PTGER3: variants seen among roughly 807,000 people sequenced by gnomAD.
The protein encoded by PTGER3 is prostaglandin E2 receptor EP3 subtype.
Under a neutral mutation model 34.7 loss-of-function variants are expected in PTGER3, and 22 were observed. The observed-to-expected ratio is 0.63, with a 90% CI of 0.45 to 0.91. PTGER3 has a LOEUF of 0.91. Among genes scored for constraint, PTGER3 ranks in the 40% least tolerant of loss-of-function variants. The pLI is 0.00. For synonymous variants in PTGER3, 241 were observed against 230.1 expected, an observed-to-expected ratio of 1.05 and a Z score of -0.43; for missense variants, 468 against 519.4, an observed-to-expected ratio of 0.90 and a Z score of 0.96.
At chr1:70,966,186 T>C (rs985293073), downstream of PTGER3, among the ~76,000 whole-genome samples, 1 of 152,216 alleles carries the variant, frequency 6.6e-6, no homozygotes, top group Non-Finnish European at 1.5e-5. Context: ...TTGTACAGGC[T>C]ATATATCTTC....
At position 70,994,218 on chromosome 1, in the gene PTGER3, TTAATA is replaced by T. The variant is rs138087871; in HGVS notation, c.1077+18082_1077+18086del. Among the ~76,000 whole-genome samples, 131 of 152,244 alleles carry T rather than the reference TTAATA, an allele frequency of 8.6e-4. 2 individuals are homozygous for T. The highest frequency in any genetic ancestry group is 3.4e-3 in the Middle Eastern group (1 of 294). On this transcript the variant is annotated intron_variant, in intron 2 of 3. Coordinates refer to ENST00000306666, the MANE Select transcript of PTGER3 (RefSeq NM_198719.2). ...CTTCCCTTCATATCACCTCAGAAACTTAATATAAGAACGTAAGAAGTGTTGCACCC... is the reference window on the plus strand; with the variant it reads ...CTTCCCTTCATATCACCTCAGAAACTTAAGAACGTAAGAAGTGTTGCACCC...
intron 4 of PTGER3, among the ~76,000 whole-genome samples, chr1:70,940,445 A>G (rs1350418192): frequency 6.6e-6 from 1 of 152,156 alleles, no homozygotes; most frequent in African/African-American, 2.4e-5. Flanking sequence ...CTCTACTGGT[A>G]CCACTTTACT....
chr1:70,920,957 C>G (rs1346045839), intron 4 of PTGER3, among the ~76,000 whole-genome samples: 3 of 152,196 alleles, frequency 2.0e-5, no homozygotes, highest in South Asian at 2.1e-4. Flanking sequence ...TAATTACAGA[C>G]AAGACTGCTC....
At chr1:70,960,458 G>T (rs999284291) in intron 2 of PTGER3, among the ~76,000 whole-genome samples, 2 of 151,732 alleles carry the variant, frequency 1.3e-5, no homozygotes, top group Non-Finnish European at 2.9e-5. Context: ...CCTTCCAAAA[G>T]GTGAAAAAAA....
rs57877321 is a variant in PTGER3 at position 71,009,541 on chromosome 1, CAT to C, written c.1077+2762_1077+2763del. On this transcript the variant is annotated intron_variant, in intron 2 of 3. Transcript: ENST00000306666. ...AAAGTAAACTGCTCTCATTAAGTAA[CAT>C]GTGATCATTCTTCTCTGTGACTCAG... The C allele has an allele frequency of 9.8e-4, 962 of 984,846 alleles. 6 individuals carry two copies. In the African/African-American group the frequency reaches 0.015, roughly 16 times the overall value. The allele number at this position is 984,846 out of a possible 1,614,324, so 61.0% of individuals were successfully genotyped here. A position where few individuals can be genotyped will look rare whatever the true frequency, so the allele number is the denominator to read the frequency against.
At chr1:70,877,653 A>C (rs1162407787) in intron 4 of PTGER3, among the ~76,000 whole-genome samples, 2 of 152,158 alleles carry the variant, frequency 1.3e-5, no homozygotes, top group African/African-American at 4.8e-5. Flanking sequence ...GAGGGTTTTT[A>C]GCATGAAGGG....
At chr1:71,017,653 T>C (rs970714796) in intron 1 of PTGER3, among the ~76,000 whole-genome samples, 1 of 152,104 alleles carries the variant, frequency 6.6e-6, no homozygotes, top group African/African-American at 2.4e-5. Flanking sequence ...TGTAACACTT[T>C]CCTCTCTGCT....
At chr1:70,910,834 G>C (rs948878566) in intron 4 of PTGER3, among the ~76,000 whole-genome samples, 1 of 152,158 alleles carries the variant, frequency 6.6e-6, no homozygotes, top group Non-Finnish European at 1.5e-5. Context: ...TGTAATCCCA[G>C]CACTTTGGGA....
chr1:71,030,202 G>A lies in PTGER3; in HGVS notation c.897+16479C>T, dbSNP rs540456199. On this transcript the variant is annotated intron_variant, in intron 1 of 3. Coordinates refer to ENST00000306666, the MANE Select transcript of PTGER3 (RefSeq NM_198719.2). Reference sequence around the variant, plus strand: ...TCCAAGATCTTGAGGATTAAACTAAGGAATCTGAAGCCTTTTAATCTGGGT... The same window carrying A: ...TCCAAGATCTTGAGGATTAAACTAAAGAATCTGAAGCCTTTTAATCTGGGT... Among the ~76,000 whole-genome samples the A allele has an allele frequency of 5.9e-5, 9 of 152,198 alleles. No homozygotes were observed. In the South Asian group the frequency reaches 1.9e-3, roughly 32 times the overall value.
intron 2 of PTGER3, among the ~76,000 whole-genome samples, chr1:70,979,419 T>TA (rs933583791): frequency 2.0e-4 from 30 of 151,972 alleles, no homozygotes; most frequent in Admixed American, 1.5e-3. Flanking sequence ...ATTGCTTTCA[T>TA]AAAAAAATTA....
At chr1:70,907,515 C>T (rs150031569) in intron 4 of PTGER3, among the ~76,000 whole-genome samples, 65 of 152,308 alleles carry the variant, frequency 4.3e-4, no homozygotes, top group African/African-American at 1.5e-3. Flanking sequence ...GGAAATTGAG[C>T]CTGCTCATGG....
chr1:70,925,946 A>G (rs1648037297), intron 4 of PTGER3, among the ~76,000 whole-genome samples: 1 of 152,192 alleles, frequency 6.6e-6, no homozygotes, highest in African/African-American at 2.4e-5. Context: ...AGAAATCTCA[A>G]TATTGCATTT....
At chr1:70,995,716 A>C (rs1421879641) in intron 2 of PTGER3, among the ~76,000 whole-genome samples, 1 of 152,178 alleles carries the variant, frequency 6.6e-6, no homozygotes, top group African/African-American at 2.4e-5. Context: ...AATTTGATCA[A>C]ATAAAACTAC....
intron 2 of PTGER3, among the ~76,000 whole-genome samples, chr1:70,995,499 A>T (rs1167540797): frequency 6.6e-6 from 1 of 152,188 alleles, no homozygotes; most frequent in African/African-American, 2.4e-5. Flanking sequence ...CACTCTAAAG[A>T]AAGTATGAAA....
chr1:70,913,235 A>T (rs968142108), intron 4 of PTGER3, among the ~76,000 whole-genome samples: 5 of 151,808 alleles, frequency 3.3e-5, no homozygotes, highest in African/African-American at 1.2e-4. Context: ...ATTCCTATTA[A>T]TATTTCATAT....
At chr1:70,915,272 G>C (rs1195643211) in intron 4 of PTGER3, among the ~76,000 whole-genome samples, 5 of 151,826 alleles carry the variant, frequency 3.3e-5, no homozygotes, top group Non-Finnish European at 5.9e-5. Flanking sequence ...ATTCTGAGGA[G>C]AGTTGTCTTA....
intron 4 of PTGER3, among the ~76,000 whole-genome samples, chr1:70,915,163 A>G (rs1056165956): frequency 6.6e-6 from 1 of 151,790 alleles, no homozygotes; most frequent in Non-Finnish European, 1.5e-5. Flanking sequence ...AAAATCAAGA[A>G]CTGCATAGAT....
downstream of PTGER3, among the ~76,000 whole-genome samples, chr1:70,948,046 G>A (rs1290033808): frequency 6.6e-6 from 1 of 152,090 alleles, no homozygotes; most frequent in African/African-American, 2.4e-5. Flanking sequence ...AAATGGTAGA[G>A]GTTTCCTGTA....
chr1:70,963,784 A>T (rs1652217892), intron 2 of PTGER3, among the ~76,000 whole-genome samples: 2 of 152,132 alleles, frequency 1.3e-5, no homozygotes, highest in African/African-American at 4.8e-5. Flanking sequence ...GGTGATTCAC[A>T]TTGGGCTCCT....
Sources: gnomAD v4.1 joint callset for allele counts (sites outside exome capture counted in the v4.1 genomes callset) on GRCh38, gnomAD v4.1.1 for gene constraint, MANE v1.5 for transcripts, NCBI Gene and HGNC (gene_info 2026-07-23, HGNC 2026-07-21) for gene names.